Variants in ARHGEF38 observed in about 807,000 individuals in gnomAD.
The protein encoded by ARHGEF38 is Rho guanine nucleotide exchange factor 38.
A neutral mutation model predicts 79.9 loss-of-function variants in ARHGEF38; 79 were observed. The ratio of observed to expected loss-of-function variants is 0.99; its 90% CI spans 0.82 to 1.19. The LOEUF (loss-of-function observed/expected upper bound fraction) is 1.19, where lower values mean the gene tolerates loss of function less well. Ranked by LOEUF, ARHGEF38 falls within the 50% of genes most tolerant of loss-of-function variation. The pLI is 0.00. For synonymous variants in ARHGEF38, 366 were observed against 328.3 expected (o/e 1.11, Z -1.24); for missense variants, 962 against 907.2 (o/e 1.06, Z -0.78).
chr4:105,629,399 C>T (rs1729088068), intron 3 of ARHGEF38, among the ~76,000 whole-genome samples: 1 of 152,074 alleles, frequency 6.6e-6, no homozygotes, highest in Admixed American at 6.5e-5. Flanking sequence ...GGATAAATAA[C>T]CTTTTATCTC....
At chr4:105,642,640 A>T (rs1729668803) in intron 5 of ARHGEF38, among the ~76,000 whole-genome samples, 1 of 152,220 alleles carries the variant, frequency 6.6e-6, no homozygotes, top group South Asian at 2.1e-4. Context: ...TATCAAAATG[A>T]GGAAGAACCA....
chr4:105,584,761 T>A (rs17324702), intron 1 of ARHGEF38, among the ~76,000 whole-genome samples: 19,235 of 152,164 alleles, frequency 0.13, 1,326 homozygotes, highest in Non-Finnish European at 0.16. Flanking sequence ...TTACCTCTCC[T>A]TAAATCCACC....
At chr4:105,643,470 T>C (rs914682567) in intron 5 of ARHGEF38, among the ~76,000 whole-genome samples, 2 of 152,210 alleles carry the variant, frequency 1.3e-5, no homozygotes, top group African/African-American at 4.8e-5. Context: ...GCTTTAGTCT[T>C]TGTCTCTCTT....
chr4:105,590,131 G>T (rs977294423), intron 2 of ARHGEF38, among the ~76,000 whole-genome samples: 4 of 146,100 alleles, frequency 2.7e-5, no homozygotes, highest in Non-Finnish European at 6.0e-5. Context: ...AGGAAGGAAA[G>T]AAAGAAAAAA....
intron 5 of ARHGEF38, 125 bp from the exon 6 acceptor site, chr4:105,645,063 A>C: frequency 1.2e-6 from 1 of 800,710 alleles, no homozygotes; most frequent in Non-Finnish European, 1.7e-6. Flanking sequence ...TTTATTTAGA[A>C]ATTTTAGATA....
intron 3 of ARHGEF38, among the ~76,000 whole-genome samples, chr4:105,623,513 A>G (rs1240053752): frequency 1.3e-5 from 2 of 151,966 alleles, no homozygotes; most frequent in South Asian, 2.1e-4. Flanking sequence ...AAAGTTATGT[A>G]CCTTTTCCTG....
intron 5 of ARHGEF38, among the ~76,000 whole-genome samples, chr4:105,643,177 T>C (rs1166472480): frequency 2.6e-5 from 4 of 151,296 alleles, no homozygotes; most frequent in African/African-American, 9.8e-5. Flanking sequence ...TTTCAGTATT[T>C]ATAATAGATT....
At chr4:105,658,805 C>T (rs528829418) in intron 9 of ARHGEF38, among the ~76,000 whole-genome samples, 1 of 152,242 alleles carries the variant, frequency 6.6e-6, no homozygotes, top group South Asian at 2.1e-4. Flanking sequence ...GGTGAGCAGG[C>T]TTTAACTTTT....
intron 2 of ARHGEF38, among the ~76,000 whole-genome samples, chr4:105,590,039 A>AG (rs1727250973): frequency 6.7e-6 from 1 of 148,548 alleles, no homozygotes; most frequent in Non-Finnish European, 1.5e-5. Flanking sequence ...CTCTGTCTCA[A>AG]AAAAAAAAAG....
chr4:105,586,204 C>G lies in ARHGEF38; in HGVS notation c.197-3044C>G, dbSNP rs565548722. Among the ~76,000 whole-genome samples, 7 of 137,700 alleles carry G rather than the reference C, an allele frequency of 5.1e-5. No individual in the cohort carries two copies. In the East Asian group the frequency reaches 9.7e-4, roughly 19 times the overall value. The allele number at this position is 137,700 out of a possible 152,430, so 90.3% of individuals were successfully genotyped here. ...AGATCTTACAAAAACAAAATGTGTC[C>G]ACAATGCATTGCAGAGTTTGTTGGT... On this transcript the variant is annotated intron_variant, in intron 1 of 13. Transcript: ENST00000420470.
chr4:105,602,823 A>C (rs1203810414), intron 2 of ARHGEF38, among the ~76,000 whole-genome samples: 1 of 151,846 alleles, frequency 6.6e-6, no homozygotes, highest in African/African-American at 2.4e-5. Context: ...GTAGTTGTTC[A>C]AAAAAAAGAG....
At chr4:105,648,387 G>A (rs1010641422) in intron 6 of ARHGEF38, among the ~76,000 whole-genome samples, 162 bp from the exon 7 acceptor site, 1 of 152,050 alleles carries the variant, frequency 6.6e-6, no homozygotes, top group Non-Finnish European at 1.5e-5. Context: ...ACTGGGACAT[G>A]GGTGGACAGT....
chr4:105,673,760 G>A (rs1173588559), intron 13 of ARHGEF38, among the ~76,000 whole-genome samples: 1 of 151,884 alleles, frequency 6.6e-6, no homozygotes, highest in African/African-American at 2.4e-5. Flanking sequence ...ATAGCAGTTG[G>A]GTGGGTTTTG....
intron 1 of ARHGEF38, among the ~76,000 whole-genome samples, chr4:105,571,331 T>G (rs888720736): frequency 6.9e-6 from 1 of 144,992 alleles, no homozygotes; most frequent in Admixed American, 6.9e-5. Context: ...CTTTTTTTTT[T>G]TTTTTTTTTG....
chr4:105,558,678 G>A (rs1255126888), intron 1 of ARHGEF38, among the ~76,000 whole-genome samples: 2 of 152,270 alleles, frequency 1.3e-5, no homozygotes, highest in East Asian at 3.9e-4. Flanking sequence ...GTCAAATAAT[G>A]TGTGAGTCAC....
At chr4:105,661,174 C>T (rs78141060) in intron 10 of ARHGEF38, among the ~76,000 whole-genome samples, 3,813 of 152,216 alleles carry the variant, frequency 0.025, 178 homozygotes, top group African/African-American at 0.087. Context: ...TTCATTTTAT[C>T]GCCAAATAAC....
intron 10 of ARHGEF38, among the ~76,000 whole-genome samples, chr4:105,661,599 A>G (rs1730567965): frequency 1.3e-5 from 2 of 151,190 alleles, no homozygotes; most frequent in Admixed American, 1.3e-4. Flanking sequence ...CTGTTTTAAA[A>G]CTCATTAAAT....
chr4:105,654,146 T>G lies in ARHGEF38; in HGVS notation c.1090T>G (p.Ser364Ala). 1 of 1,511,970 alleles carries G rather than the reference T, an allele frequency of 6.6e-7. No homozygotes were observed. The highest frequency in any genetic ancestry group is 8.8e-7 in the Non-Finnish European group (1 of 1,130,784). 93.7% of individuals were successfully genotyped at this position (1,511,970 alleles called of 1,614,324 possible). A position where few individuals can be genotyped will look rare whatever the true frequency, so the allele number is the denominator to read the frequency against. The change falls in exon 8 of 14, where the codon TCA becomes GCA. Residue 364 changes from serine (S) to alanine (A), a missense_variant. By Grantham distance (99) the Ser-to-Ala change is moderately conservative. Transcript: ENST00000420470. Reference protein sequence around the residue: ...KTVRLCVKNISLCLQHIQDAM... With the variant: ...KTVRLCVKNIALCLQHIQDAM... ...TGTGAGGCTTTGTGTGAAGAACATT[T>G]CACTCTGTCTTCAACACATACAGGT...
chr4:105,577,166 A>G (rs547861148), intron 1 of ARHGEF38, among the ~76,000 whole-genome samples: 2 of 151,044 alleles, frequency 1.3e-5, no homozygotes, highest in South Asian at 4.2e-4. Context: ...TTAGTTACAT[A>G]TGTATACATG....
Sources: gnomAD v4.1 joint callset for allele counts (sites outside exome capture counted in the v4.1 genomes callset) on GRCh38, gnomAD v4.1.1 for gene constraint, MANE v1.5 for transcripts, NCBI Gene and HGNC (gene_info 2026-07-23, HGNC 2026-07-21) for gene names.